Variants in TENM1 observed in about 807,000 individuals in gnomAD.
TENM1 encodes teneurin transmembrane protein 1.
Under a neutral mutation model 174.8 loss-of-function variants are expected in TENM1, and 35 were observed. The observed-to-expected ratio is 0.20, with a 90% CI of 0.15 to 0.27. TENM1 has a LOEUF of 0.27. Ranked by LOEUF, TENM1 falls within the 10% of genes least tolerant of loss-of-function variation. The probability of loss-of-function intolerance (pLI) is 1.00; values close to 1 mark genes in which losing one functional copy is unlikely to be tolerated. For synonymous variants in TENM1, 781 were observed against 798.7 expected, an observed-to-expected ratio of 0.98 and a Z score of 0.37; for missense variants, 1,633 against 2,130.1, an observed-to-expected ratio of 0.77 and a Z score of 4.59.
intron 22 of TENM1, among the ~76,000 whole-genome samples, chrX:124,477,744 C>T (rs988437541): frequency 2.1e-4 from 16 of 76,792 alleles, no homozygotes; most frequent in African/African-American, 8.3e-4. Flanking sequence ...AGCGAGACTT[C>T]GTCTCAAAAA....
At chrX:124,886,546 TATAGAGAGAGAGAG>T (rs1187087593) in intron 3 of TENM1, among the ~76,000 whole-genome samples, 2 of 76,070 alleles carry the variant, frequency 2.6e-5, no homozygotes, top group South Asian at 6.8e-4. Context: ...TATATATATA[TATAGAGAGAGAGAG>T]AGAGAGAGAG....
At chrX:124,653,928 C>G in intron 6 of TENM1, 145 bp from the exon 10 acceptor site, 1 of 499,435 alleles carries the variant, frequency 2.0e-6, no homozygotes, top group East Asian at 3.7e-5. Flanking sequence ...CAAGGCCTTG[C>G]CCAAATTAAA....
chrX:124,941,487 C>T (rs1478001128), intron 1 of TENM1, among the ~76,000 whole-genome samples: 1 of 111,666 alleles, frequency 9.0e-6, no homozygotes, highest in Admixed American at 9.6e-5. Flanking sequence ...ATGTTTTCTA[C>T]TCTGTACATG....
Position 124,646,696 on chromosome X carries a change from AG to A in TENM1, c.1681+12del, listed in dbSNP as rs1343795767. The A allele has an allele frequency of 1.8e-6, 2 of 1,134,801 alleles. No individual in the cohort carries two copies. The highest frequency in any genetic ancestry group is 2.4e-6 in the Non-Finnish European group (2 of 829,022). 93.5% of individuals were successfully genotyped at this position (1,134,801 alleles called of 1,213,427 possible). Reference sequence around the variant, plus strand: ...ATTTTCCTAAACCAATCAGAATAACAGAGCAACATTACCTCTAGCACAGTCA... The same window carrying A: ...ATTTTCCTAAACCAATCAGAATAACAAGCAACATTACCTCTAGCACAGTCA... On this transcript the variant is annotated intron_variant, in intron 9 of 31. Coordinates refer to ENST00000422452, the Ensembl canonical transcript of TENM1.
intron 11 of TENM1, among the ~76,000 whole-genome samples, chrX:124,605,262 TA>T (rs1447425778): frequency 1.9e-5 from 2 of 103,862 alleles, no homozygotes; most frequent in African/African-American, 7.0e-5. Context: ...TGAGTTTTAC[TA>T]CTTTTGACTA....
In TENM1 at chrX:124,518,422, C is replaced by T. The variant is rs1416994713; in HGVS notation, c.3301+2095G>A. ...GTTTGTTGGGGGCGGAGGGGTGGGG[C>T]GGGCAGGGAGGGCAAATGGAGAGTA... On this transcript the variant is annotated intron_variant, in intron 18 of 31. Transcript: ENST00000422452. Among the ~76,000 whole-genome samples, 5 of 56,523 alleles carry T rather than the reference C, an allele frequency of 8.8e-5. No individual in the cohort carries two copies. In the East Asian group the frequency reaches 2.2e-3, roughly 25 times the overall value. 49.1% of individuals were successfully genotyped at this position (56,523 alleles called of 115,157 possible). A position where few individuals can be genotyped will look rare whatever the true frequency, so the allele number is the denominator to read the frequency against.
intron 14 of TENM1, among the ~76,000 whole-genome samples, chrX:124,558,691 C>A (rs2048746395): frequency 9.0e-6 from 1 of 111,129 alleles, no homozygotes; most frequent in African/African-American, 3.3e-5. Context: ...GGTTTAAAAT[C>A]TTAGTCATGG....
chrX:124,467,467 C>T (rs989428700), intron 22 of TENM1, among the ~76,000 whole-genome samples: 4 of 111,531 alleles, frequency 3.6e-5, no homozygotes, highest in Non-Finnish European at 7.5e-5. Flanking sequence ...TGGGTACATA[C>T]TAGAGGTGCT....
chrX:124,622,409 T>C (rs773594980), intron 11 of TENM1, among the ~76,000 whole-genome samples: 1 of 112,503 alleles, frequency 8.9e-6, no homozygotes, highest in African/African-American at 3.2e-5. Context: ...AAGACTTTTG[T>C]TGAATGATGC....
intron 3 of TENM1, among the ~76,000 whole-genome samples, chrX:124,814,692 T>C (rs756773560): frequency 9.0e-6 from 1 of 111,598 alleles, no homozygotes; most frequent in South Asian, 3.7e-4. Context: ...TTAGTCTCCC[T>C]GTTTTAATTT....
At chrX:124,689,777 T>C (rs1282481522) in intron 5 of TENM1, among the ~76,000 whole-genome samples, 1 of 111,369 alleles carries the variant, frequency 9.0e-6, no homozygotes. Context: ...TACTATGTTT[T>C]TTTTTTCCTA....
At chrX:124,681,750 T>A (rs1421917105) in intron 5 of TENM1, among the ~76,000 whole-genome samples, 1 of 111,807 alleles carries the variant, frequency 8.9e-6, no homozygotes, top group East Asian at 2.8e-4. Flanking sequence ...CACCATAAAA[T>A]GTGCACAATA....
At chrX:124,924,350 T>C (rs1453134096) in intron 1 of TENM1, among the ~76,000 whole-genome samples, 1 of 111,674 alleles carries the variant, frequency 9.0e-6, no homozygotes, top group Non-Finnish European at 1.9e-5. Flanking sequence ...AACATGAGGA[T>C]TGGACCTAGG....
chrX:124,616,773 T>C (rs932846833), intron 11 of TENM1, among the ~76,000 whole-genome samples: 2 of 111,765 alleles, frequency 1.8e-5, no homozygotes, highest in African/African-American at 6.5e-5. Context: ...ATTTTGTAAA[T>C]AGCTATAGAA....
At chrX:124,732,443 C>T (rs935701588) in intron 4 of TENM1, among the ~76,000 whole-genome samples, 15 of 112,080 alleles carry the variant, frequency 1.3e-4, no homozygotes, top group Admixed American at 1.9e-4. Flanking sequence ...AATCTGCTCA[C>T]GGTCCTTCCT....
rs1276825895 is a variant in TENM1 at position 124,439,779 on chromosome X, CTAGTAA to C, written c.4104+13552_4104+13557del. 8.8e-4 allele frequency among the ~76,000 whole-genome samples: 98 copies of C among 111,162 alleles called. 1 individual carries two copies. The highest frequency in any genetic ancestry group is 3.1e-3 in the African/African-American group (95 of 30,623). Reference sequence around the variant, plus strand: ...TCAAATACTACTACTACTACTATTACTAGTAATAGTAATAATAATAATGATAAAATA... The same window carrying C: ...TCAAATACTACTACTACTACTATTACTAGTAATAATAATAATGATAAAATA... On this transcript the variant is annotated intron_variant, in intron 23 of 31. Coordinates refer to ENST00000422452, the Ensembl canonical transcript of TENM1.
chrX:125,131,381 A>G, the TENM1 span, among the ~76,000 whole-genome samples: 1 of 112,219 alleles, frequency 8.9e-6, no homozygotes, highest in Non-Finnish European at 1.9e-5. Flanking sequence ...TGTTTAAGGT[A>G]TCAGCTGCTC....
At chrX:124,467,131 C>CTAA (rs1365092910) in intron 22 of TENM1, among the ~76,000 whole-genome samples, 11 of 111,544 alleles carry the variant, frequency 9.9e-5, no homozygotes, top group Non-Finnish European at 7.5e-5. Flanking sequence ...CAAATGCAGT[C>CTAA]TAATAAGCTT....
the TENM1 span, among the ~76,000 whole-genome samples, chrX:125,096,331 C>T: frequency 8.9e-6 from 1 of 112,006 alleles, no homozygotes; most frequent in Non-Finnish European, 1.9e-5. Context: ...AGTCAAAGGT[C>T]AGTTTTATAT....
Sources: gnomAD v4.1 joint callset for allele counts (sites outside exome capture counted in the v4.1 genomes callset) on GRCh38, gnomAD v4.1.1 for gene constraint, MANE v1.5 for transcripts, NCBI Gene and HGNC (gene_info 2026-07-23, HGNC 2026-07-21) for gene names.